The following GIGYF2 variants were observed in gnomAD, a reference collection of about 807,000 sequenced individuals.
The protein encoded by GIGYF2 is GRB10-interacting GYF protein 2.
GIGYF2 carries 25 observed loss-of-function variants against 208.1 expected under a neutral mutation model. That is an observed-to-expected ratio of 0.12 (90% CI 0.09 to 0.17). The LOEUF (loss-of-function observed/expected upper bound fraction) is 0.17, where lower values mean the gene tolerates loss of function less well. Among genes scored for constraint, GIGYF2 ranks in the 10% least tolerant of loss-of-function variants. The pLI is 1.00. For missense variants in GIGYF2, 1,302 were observed against 1,579.4 expected, an observed-to-expected ratio of 0.82 and a Z score of 2.98; for synonymous variants, 534 against 543.8, an observed-to-expected ratio of 0.98 and a Z score of 0.25.
At chr2:232,756,194 TCTC>T in intron 5 of GIGYF2, 26 bp from the exon 6 acceptor site, 3 of 1,243,452 alleles carry the variant, frequency 2.4e-6, no homozygotes, top group East Asian at 2.3e-5. Context: ...TTTTCCTTTT[TCTC>T]TTTTTTTTTT....
At chr2:232,789,336 A>G (rs1559433218) in intron 9 of GIGYF2, among the ~76,000 whole-genome samples, 1 of 152,334 alleles carries the variant, frequency 6.6e-6, no homozygotes, top group East Asian at 1.9e-4. Context: ...GAGGAGAAAC[A>G]TGAGCCAGGT....
chr2:232,706,740 A>G (rs1307053022), intron 2 of GIGYF2, among the ~76,000 whole-genome samples: 1 of 152,134 alleles, frequency 6.6e-6, no homozygotes, highest in Non-Finnish European at 1.5e-5. Flanking sequence ...AGATTGAGCC[A>G]CTGCACTCCA....
chr2:232,791,499 G>T, intron 12 of GIGYF2, 53 bp downstream of exon 12: 2 of 1,479,076 alleles, frequency 1.4e-6, no homozygotes, highest in South Asian at 2.3e-5. Context: ...TGAGGCCAGT[G>T]ATCACTGATA....
In GIGYF2 at chr2:232,803,960, TACAGGC is replaced by T. The variant is rs1196343258; in HGVS notation, c.1640-2530_1640-2525del. On this transcript the variant is annotated intron_variant, in intron 14 of 28. Coordinates refer to ENST00000373563, the MANE Select transcript of GIGYF2 (RefSeq NM_001103146.3). ...CCTCCGCCTCCCAAAGTGCTGGGAT[TACAGGC>T]CTATTTCTGCTTCTTAATTTTGTCC... Among the ~76,000 whole-genome samples, 6 of 151,192 alleles carry T rather than the reference TACAGGC, an allele frequency of 4.0e-5. 1 individual carries two copies. The highest frequency in any genetic ancestry group is 5.9e-5 in the Non-Finnish European group (4 of 67,884).
rs550391128 is a variant in GIGYF2, at chr2:232,814,045, G to A, written c.2107+1554G>A. Among the ~76,000 whole-genome samples the A allele has an allele frequency of 2.7e-3, 411 of 151,270 alleles. 1 individual carries two copies. The highest frequency in any genetic ancestry group is 9.3e-3 in the African/African-American group (384 of 41,248). ...TGGGATTACAGGCACCCACCACCAC[G>A]CTTGGCTAATTTTTGTATTTTTGGT... On this transcript the variant is annotated intron_variant, in intron 18 of 28. Coordinates refer to ENST00000373563, the MANE Select transcript of GIGYF2 (RefSeq NM_001103146.3).
At chr2:232,826,246 T>C (rs1467429714) in intron 21 of GIGYF2, among the ~76,000 whole-genome samples, 3 of 152,196 alleles carry the variant, frequency 2.0e-5, no homozygotes, top group Non-Finnish European at 4.4e-5. Context: ...TCAAATAGTA[T>C]TTCTAGTTCT....
At chr2:232,740,833 T>C (rs1336686481) in intron 3 of GIGYF2, among the ~76,000 whole-genome samples, 1 of 152,186 alleles carries the variant, frequency 6.6e-6, no homozygotes, top group Non-Finnish European at 1.5e-5. Flanking sequence ...TGTTAATATT[T>C]CCAGTTTTCA....
intron 2 of GIGYF2, among the ~76,000 whole-genome samples, chr2:232,719,450 A>G (rs1439082868): frequency 6.6e-6 from 1 of 152,122 alleles, no homozygotes; most frequent in Non-Finnish European, 1.5e-5. Flanking sequence ...GCTGTAAGAA[A>G]ATGGTAGGCT....
chr2:232,846,900 A>G (rs934457451), intron 26 of GIGYF2, among the ~76,000 whole-genome samples: 1 of 152,244 alleles, frequency 6.6e-6, no homozygotes, highest in African/African-American at 2.4e-5. Flanking sequence ...CTTTTCTCCT[A>G]TACCACACAC....
intron 8 of GIGYF2, chr2:232,771,497 A>G (rs537211516): frequency 2.9e-5 from 17 of 594,502 alleles, no homozygotes; most frequent in African/African-American, 1.9e-4. Context: ...AACTTTGCCA[A>G]CTCTCTCGCT....
At chr2:232,728,836 A>C (rs965352130) in intron 2 of GIGYF2, among the ~76,000 whole-genome samples, 16 of 152,238 alleles carry the variant, frequency 1.1e-4, no homozygotes, top group African/African-American at 3.6e-4. Flanking sequence ...TAGTTTCAAC[A>C]AAAAACAGTC....
chr2:232,807,554 A>G (rs1238487644), intron 15 of GIGYF2, among the ~76,000 whole-genome samples: 1 of 152,098 alleles, frequency 6.6e-6, no homozygotes, highest in Admixed American at 6.6e-5. Context: ...CCGTAATGCT[A>G]GTAGTGATCT....
At chr2:232,844,597 C>G (rs1701937627) in intron 25 of GIGYF2, 23 bp downstream of exon 25, 1 of 1,526,076 alleles carries the variant, frequency 6.6e-7, no homozygotes, top group Non-Finnish European at 9.1e-7. Context: ...ATGACCACAC[C>G]TATGCACCTT....
At chr2:232,719,393 T>C in intron 2 of GIGYF2, among the ~76,000 whole-genome samples, 1 of 152,152 alleles carries the variant, frequency 6.6e-6, no homozygotes, top group Non-Finnish European at 1.5e-5. Context: ...TTTTTGAAAG[T>C]GATTTCCTGA....
intron 20 of GIGYF2, among the ~76,000 whole-genome samples, chr2:232,817,724 A>G (rs987822219): frequency 6.6e-6 from 1 of 152,214 alleles, no homozygotes; most frequent in African/African-American, 2.4e-5. Flanking sequence ...AAAAAGGTTG[A>G]ATAATATTCC....
intron 9 of GIGYF2, among the ~76,000 whole-genome samples, chr2:232,790,181 G>A (rs931250589): frequency 6.6e-6 from 1 of 152,088 alleles, no homozygotes; most frequent in Admixed American, 6.5e-5. Context: ...AATTACAAGT[G>A]GGAACCTGGC....
chr2:232,753,090 C>T (rs1049709153), intron 5 of GIGYF2, among the ~76,000 whole-genome samples: 1 of 146,984 alleles, frequency 6.8e-6, no homozygotes, highest in Non-Finnish European at 1.5e-5. Context: ...CAGTTCTACA[C>T]TTGACAGTAT....
chr2:232,800,324 A>G (rs945227894), intron 14 of GIGYF2, among the ~76,000 whole-genome samples: 4 of 152,108 alleles, frequency 2.6e-5, no homozygotes, highest in East Asian at 3.9e-4. Flanking sequence ...CAAGAATCCA[A>G]TTTCATTCTT....
chr2:232,724,720 A>G (rs1403883917), intron 2 of GIGYF2: 1 of 151,844 alleles, frequency 6.6e-6, no homozygotes, highest in Non-Finnish European at 1.5e-5. Flanking sequence ...GGCTAATTAA[A>G]ATTTTATTTT....
Sources: gnomAD v4.1 joint callset for allele counts (sites outside exome capture counted in the v4.1 genomes callset) on GRCh38, gnomAD v4.1.1 for gene constraint, MANE v1.5 for transcripts, NCBI Gene and HGNC (gene_info 2026-07-23, HGNC 2026-07-21) for gene names.